The following SUFU variants were observed in gnomAD, a reference collection of about 807,000 sequenced individuals.
SUFU encodes the protein SUFU negative regulator of hedgehog signaling.
Under a neutral mutation model 58.9 loss-of-function variants are expected in SUFU, and 7 were observed. That is an observed-to-expected ratio of 0.12 (90% CI 0.07 to 0.22). The LOEUF (loss-of-function observed/expected upper bound fraction) is 0.22. Ranked by LOEUF, SUFU falls within the 10% of genes least tolerant of loss-of-function variation. The pLI is 1.00. For synonymous variants in SUFU, 232 were observed against 254.8 expected, an observed-to-expected ratio of 0.91 and a Z score of 0.85; for missense variants, 451 against 641.3, an observed-to-expected ratio of 0.70 and a Z score of 3.20.
At chr10:102,523,039 A>G (rs1181619579) in intron 2 of SUFU, among the ~76,000 whole-genome samples, 1 of 152,166 alleles carries the variant, frequency 6.6e-6, no homozygotes, top group Non-Finnish European at 1.5e-5. Flanking sequence ...CCTGAGGCTC[A>G]GAAATGATGT....
intron 2 of SUFU, among the ~76,000 whole-genome samples, chr10:102,535,004 AC>A (rs200134611): frequency 0.022 from 3,310 of 151,920 alleles, 69 homozygotes; most frequent in Non-Finnish European, 0.035. Flanking sequence ...TCCACCCCCT[AC>A]CCCCTGCACA....
intron 3 of SUFU, among the ~76,000 whole-genome samples, chr10:102,581,601 C>T (rs543479338): frequency 6.6e-6 from 1 of 152,218 alleles, no homozygotes; most frequent in East Asian, 1.9e-4. Flanking sequence ...CAGCTTGAGC[C>T]TTCTCAGGAA....
intron 2 of SUFU, among the ~76,000 whole-genome samples, chr10:102,547,094 G>A (rs2062863359): frequency 6.6e-6 from 1 of 152,204 alleles, no homozygotes; most frequent in Non-Finnish European, 1.5e-5. Context: ...TCAAGTTTTT[G>A]TGGTTAGAAA....
At chr10:102,565,701 C>T (rs1296652970) in intron 3 of SUFU, among the ~76,000 whole-genome samples, 5 of 152,254 alleles carry the variant, frequency 3.3e-5, no homozygotes, top group East Asian at 3.9e-4. Context: ...CCCGCCACCA[C>T]GCACGGCTAA....
intron 3 of SUFU, among the ~76,000 whole-genome samples, chr10:102,555,392 G>T (rs1184745037): frequency 6.9e-6 from 1 of 144,410 alleles, no homozygotes; most frequent in African/African-American, 2.6e-5. Context: ...TGTCTTGCTC[G>T]TCCCTGAATC....
chr10:102,606,345 G>A (rs1003513936), intron 8 of SUFU, among the ~76,000 whole-genome samples: 4 of 152,256 alleles, frequency 2.6e-5, no homozygotes, highest in Non-Finnish European at 5.9e-5. Context: ...ACCCCTTGGT[G>A]TGGTGCTCTC....
intron 2 of SUFU, among the ~76,000 whole-genome samples, chr10:102,531,959 CT>C (rs112325593): frequency 0.01 from 1,512 of 146,680 alleles, 21 homozygotes; most frequent in African/African-American, 0.033. Context: ...CCTGTGAGAA[CT>C]TTTTTTTTTT....
At chr10:102,621,240 A>G (rs1334437717) in intron 10 of SUFU, among the ~76,000 whole-genome samples, 2 of 152,164 alleles carry the variant, frequency 1.3e-5, no homozygotes, top group African/African-American at 4.8e-5. Context: ...ACCCAGGCAT[A>G]CTTATTCTCC....
intron 3 of SUFU, among the ~76,000 whole-genome samples, chr10:102,576,817 C>T (rs2063216276): frequency 6.6e-6 from 1 of 152,152 alleles, no homozygotes. Context: ...AAATGATCCT[C>T]AAGCCTCAGC....
At chr10:102,568,899 T>TAC in intron 3 of SUFU, among the ~76,000 whole-genome samples, 1 of 8,514 alleles carries the variant, frequency 1.2e-4, no homozygotes, top group East Asian at 2.8e-3. Flanking sequence ...AAAAAAAAAA[T>TAC]ATATATATAT....
chr10:102,606,678 G>A (rs906154496), intron 8 of SUFU, among the ~76,000 whole-genome samples: 2 of 152,126 alleles, frequency 1.3e-5, no homozygotes, highest in Non-Finnish European at 2.9e-5. Context: ...CCTGCATGCC[G>A]GTGCACAGAG....
chr10:102,509,097 G>C, intron 1 of SUFU, 72 bp from the exon 2 acceptor site: 1 of 1,605,494 alleles, frequency 6.2e-7, no homozygotes. Context: ...GGTTTACAAA[G>C]TAGAGCGCCT....
rs767543227 is a variant in SUFU, at chr10:102,504,197, C to T, written c.45C>T (p.Pro15=). ...RPSGAPGPTA[P]PAPGPTAPPA... is the part of the protein sequence containing the mutation. ...GCGGCGCCCCCGGCCCCACCGCGCC[C>T]CCGGCCCCTGGCCCGACTGCCCCCC... is the stretch of plus-strand genomic sequence containing the variant. The change falls in exon 1 of 12, where the codon CCC becomes CCT. Residue 15 remains proline, a synonymous_variant. Coordinates refer to ENST00000369902, the MANE Select transcript of SUFU (RefSeq NM_016169.4). The T allele has an allele frequency of 3.8e-6, 6 of 1,578,808 alleles. No individual in the cohort carries two copies. Among genetic ancestry groups the T allele is most frequent in the Admixed American group, 1.8e-5 (1 of 55,154 alleles).
intron 3 of SUFU, among the ~76,000 whole-genome samples, chr10:102,572,110 G>A (rs936011789): frequency 6.6e-6 from 1 of 152,180 alleles, no homozygotes; most frequent in African/African-American, 2.4e-5. Flanking sequence ...TTGTTGCCCA[G>A]GCTGGAGTGC....
intron 2 of SUFU, among the ~76,000 whole-genome samples, chr10:102,539,473 G>T (rs957955033): frequency 1.3e-5 from 2 of 152,154 alleles, no homozygotes; most frequent in Middle Eastern, 3.2e-3. Flanking sequence ...TTTCTCTTCT[G>T]TATAGTTACT....
intron 8 of SUFU, among the ~76,000 whole-genome samples, chr10:102,609,154 C>G (rs2063595177): frequency 6.6e-6 from 1 of 152,158 alleles, no homozygotes; most frequent in African/African-American, 2.4e-5. Context: ...ATTTAAGTTT[C>G]TGAGTTTCAG....
intron 2 of SUFU, among the ~76,000 whole-genome samples, chr10:102,536,543 T>C (rs2062742563): frequency 6.6e-6 from 1 of 151,272 alleles, no homozygotes; most frequent in Admixed American, 6.6e-5. Context: ...TTTGTATTTT[T>C]AGTAGAGACA....
Position 102,595,834 on chromosome 10 carries a change from G to A in SUFU, c.757-1306G>A, listed in dbSNP as rs561572651. On this transcript the variant is annotated intron_variant, in intron 6 of 11. Transcript: ENST00000369902. Reference sequence around the variant, plus strand: ...CAAGCTCTACACTAACCAGCTGTGTGCCCAAATAAGTCCCTCGCCTTCTGG... The same window carrying A: ...CAAGCTCTACACTAACCAGCTGTGTACCCAAATAAGTCCCTCGCCTTCTGG... Among the ~76,000 whole-genome samples the A allele has an allele frequency of 8.5e-5, 13 of 152,274 alleles. No homozygotes were observed. In the South Asian group the frequency reaches 2.3e-3, roughly 27 times the overall value.
upstream of SUFU, chr10:102,502,849 T>C (rs893385875): frequency 7.4e-5 from 44 of 598,180 alleles, no homozygotes; most frequent in Middle Eastern, 8.8e-4. Context: ...TAGTTTAAGA[T>C]TGGGAGTCGC....
Sources: gnomAD v4.1 joint callset for allele counts (sites outside exome capture counted in the v4.1 genomes callset) on GRCh38, gnomAD v4.1.1 for gene constraint, MANE v1.5 for transcripts, NCBI Gene and HGNC (gene_info 2026-07-23, HGNC 2026-07-21) for gene names.